The following CHD7 variants were observed in gnomAD, a reference collection of about 807,000 sequenced individuals.
CHD7 encodes the protein ATP-dependent chromatin remodeler CHD7.
In CHD7, 24 loss-of-function variants were observed where a neutral mutation model predicts 307.3. The ratio of observed to expected loss-of-function variants is 0.08; its 90% CI spans 0.06 to 0.11. The LOEUF is 0.11. CHD7 is among the 10% of genes least tolerant of loss of function. CHD7 has a pLI of 1.00. For synonymous variants in CHD7, 1,363 were observed against 1,349.9 expected (o/e 1.01, Z -0.21); for missense variants, 3,106 against 3,727.1 (o/e 0.83, Z 4.34).
chr8:60,701,347 T>C (rs2150507752), intron 1 of CHD7, among the ~76,000 whole-genome samples: 1 of 152,290 alleles, frequency 6.6e-6, no homozygotes, highest in East Asian at 1.9e-4. Flanking sequence ...ATCAGTATCT[T>C]TATTTGCGGA....
chr8:60,849,767 A>G (rs1805371163), intron 25 of CHD7, among the ~76,000 whole-genome samples: 1 of 152,174 alleles, frequency 6.6e-6, no homozygotes, highest in African/African-American at 2.4e-5. Flanking sequence ...AAAACCTTTC[A>G]TGATTACAGT....
intron 1 of CHD7, among the ~76,000 whole-genome samples, chr8:60,736,275 G>A (rs1217706986): frequency 6.6e-6 from 1 of 152,144 alleles, no homozygotes; most frequent in Non-Finnish European, 1.5e-5. Flanking sequence ...CCAAGTGGCT[G>A]TTGGGGGCTG....
chr8:60,745,700 G>A (rs1415125437), intron 2 of CHD7, among the ~76,000 whole-genome samples: 1 of 152,102 alleles, frequency 6.6e-6, no homozygotes, highest in Non-Finnish European at 1.5e-5. Context: ...TGAACATAAG[G>A]CTAGGGAGGT....
chr8:60,681,851 T>C (rs574425776), intron 1 of CHD7, among the ~76,000 whole-genome samples: 1 of 152,306 alleles, frequency 6.6e-6, no homozygotes, highest in African/African-American at 2.4e-5. Context: ...GTATCCTGGG[T>C]CTATGCTTTC....
Position 60,862,605 on chromosome 8 carries a change from C to G in CHD7, c.8029C>G (p.Pro2677Ala). The change falls in exon 37 of 38, where the codon CCT (proline) becomes GCT (alanine). Residue 2677 changes from proline to alanine, a missense_variant. By Grantham distance (27) the Pro-to-Ala change is conservative (BLOSUM62 -1). Around this residue, in one of 10 missense-constraint regions of CHD7, gnomAD observed 59 missense variants for 106.2 expected, o/e 0.56. Coordinates refer to ENST00000423902, the MANE Select transcript of CHD7 (RefSeq NM_017780.4). ...KDLPRWLEEN[P>A]EFAVAPDWTD... ...TCTACCCAGGTGGCTGGAAGAAAAT[C>G]CTGAATTTGCAGTTGCTCCAGACTG... 6.3e-7 allele frequency: 1 copy of G among 1,575,986 alleles called. No homozygotes were observed.
intron 2 of CHD7, among the ~76,000 whole-genome samples, chr8:60,774,465 GTC>G (rs1236658663): frequency 6.6e-6 from 1 of 152,222 alleles, no homozygotes; most frequent in Non-Finnish European, 1.5e-5. Context: ...CTTTGGTGCT[GTC>G]TCTCTGCTCA....
At chr8:60,835,240 G>T (rs1395877971) in intron 15 of CHD7, among the ~76,000 whole-genome samples, 5 of 152,146 alleles carry the variant, frequency 3.3e-5, no homozygotes, top group African/African-American at 1.2e-4. Context: ...TGTCAGGCAG[G>T]GATGTCATGG....
chr8:60,828,231 C>G (rs748340034), intron 13 of CHD7, among the ~76,000 whole-genome samples: 1 of 152,186 alleles, frequency 6.6e-6, no homozygotes, highest in East Asian at 1.9e-4. Flanking sequence ...TCTTTTGTCT[C>G]TATGAAGTGA....
rs547209998 is a variant in CHD7 at position 60,856,765 on chromosome 8, G to C, written c.7485G>C (p.Arg2495Ser). The C allele has an allele frequency of 6.2e-7, 1 of 1,613,980 alleles. No individual in the cohort carries two copies. Among genetic ancestry groups the C allele is most frequent in the South Asian group, 1.1e-5 (1 of 91,074 alleles). The part of the protein sequence containing the change: ...LQAGLSRTPT[R>S]HLLNGSLVDG... ...CAGGCCTTTCGCGCACACCCACAAG[G>C]CATCTCCTTAATGGCTCCCTAGTGG... is the stretch of plus-strand genomic sequence containing the variant. The change falls in exon 34 of 38, where the codon AGG (arginine) becomes AGC (serine). Residue 2495 changes from arginine (R) to serine (S), a missense_variant. Physicochemically the swap from Arg to Ser is moderately radical, Grantham distance 110. Coordinates refer to ENST00000423902, the MANE Select transcript of CHD7 (RefSeq NM_017780.4).
chr8:60,800,254 G>A (rs998283713), intron 4 of CHD7, 134 bp from the exon 5 acceptor site: 55 of 690,922 alleles, frequency 8.0e-5, no homozygotes, highest in Non-Finnish European at 1.1e-4. Context: ...GGATGGTCTC[G>A]ATCTCCTGAC....
At chr8:60,783,467 A>G (rs1217224573) in intron 3 of CHD7, among the ~76,000 whole-genome samples, 2 of 152,190 alleles carry the variant, frequency 1.3e-5, no homozygotes, top group Admixed American at 6.5e-5. Flanking sequence ...TCCACCCTGA[A>G]GTATGAATCA....
chr8:60,695,886 G>C (rs1328086130), intron 1 of CHD7, among the ~76,000 whole-genome samples: 1 of 152,272 alleles, frequency 6.6e-6, no homozygotes. Flanking sequence ...AGTTTCATAA[G>C]TATAAACTTC....
intron 4 of CHD7, 77 bp downstream of exon 4, chr8:60,795,204 C>A: frequency 7.5e-7 from 1 of 1,340,266 alleles, no homozygotes; most frequent in Non-Finnish European, 1.0e-6. Context: ...GTACACAAGA[C>A]CTCCCCTATC....
chr8:60,702,969 G>A (rs1199307435), intron 1 of CHD7, among the ~76,000 whole-genome samples: 3 of 152,150 alleles, frequency 2.0e-5, no homozygotes, highest in Non-Finnish European at 2.9e-5. Flanking sequence ...AAAGAAGGCC[G>A]CTCTGGTGCT....
chr8:60,743,905 G>T (rs1266798125), intron 2 of CHD7, among the ~76,000 whole-genome samples: 1 of 152,170 alleles, frequency 6.6e-6, no homozygotes, highest in Non-Finnish European at 1.5e-5. Context: ...TTATCTACCA[G>T]AATTGCAGCT....
chr8:60,822,145 T>C lies in CHD7; in HGVS notation c.2957T>C (p.Met986Thr). 1 of 1,607,062 alleles carries C rather than the reference T, an allele frequency of 6.2e-7. No homozygotes were observed. The highest frequency in any genetic ancestry group is 8.5e-7 in the Non-Finnish European group (1 of 1,177,116). The change falls in exon 11 of 38, where the codon ATG (methionine) becomes ACG (threonine). Residue 986 changes from methionine to threonine, a missense_variant and splice_region_variant. Physicochemically the swap from Met to Thr is moderately conservative, Grantham distance 81 (BLOSUM62 -1). Coordinates refer to ENST00000423902, the MANE Select transcript of CHD7 (RefSeq NM_017780.4). ...TGGCTACTTTTCAATTGGTACAACA[T>C]GTATGTAAAACAAGTTTTTCTTCAC... ...VNWLLFNWYN[M>T]RNCILADEMG...
chr8:60,807,762 G>A (rs553206093), intron 6 of CHD7, among the ~76,000 whole-genome samples: 2 of 152,310 alleles, frequency 1.3e-5, no homozygotes, highest in South Asian at 4.1e-4. Context: ...AGAAATAAAT[G>A]TCTTTTAAAT....
rs1291322141 is a variant in CHD7 at position 60,862,539 on chromosome 8, T to C, written c.7972-9T>C. On this transcript the variant is annotated splice_polypyrimidine_tract_variant and intron_variant, in intron 36 of 37. Transcript: ENST00000423902. ...TGTTTTTAATCATTTGTCAAATGCC[T>C]CTACCCAGATGGGTGGAGCTATGGC... 6.4e-7 allele frequency: 1 copy of C among 1,561,154 alleles called. No homozygotes were observed. The highest frequency in any genetic ancestry group is 8.7e-7 in the Non-Finnish European group (1 of 1,151,446).
rs192842556 is a variant in CHD7, at chr8:60,862,694, A to G, written c.8076+42A>G. On this transcript the variant is annotated intron_variant, in intron 37 of 37. Coordinates refer to ENST00000423902, the MANE Select transcript of CHD7 (RefSeq NM_017780.4). The stretch of plus-strand genomic sequence containing the variant: ...TTTCTATCAAGAAAGGTAGCTATAC[A>G]AAACTGTTTTCCTTAGTCTTTCTTA... The G allele has an allele frequency of 5.2e-6, 7 of 1,351,464 alleles. No homozygotes were observed. In the African/African-American group the frequency reaches 8.7e-5, roughly 17 times the overall value. The allele number at this position is 1,351,464 out of a possible 1,614,324, so 83.7% of individuals were successfully genotyped here. A position where few individuals can be genotyped will look rare whatever the true frequency, so the allele number is the denominator to read the frequency against.
Sources: allele counts gnomAD v4.1 joint callset (sites outside exome capture counted in the v4.1 genomes callset), GRCh38; gene constraint gnomAD v4.1.1; regional missense constraint gnomAD v4.1.1; transcripts MANE v1.5; gene names NCBI Gene and HGNC (gene_info 2026-07-23, HGNC 2026-07-21).